Variants in DNAH14 observed in about 807,000 individuals in gnomAD.
The protein encoded by DNAH14 is axonemal beta dynein heavy chain 14.
In DNAH14, 478 loss-of-function variants were observed where a neutral mutation model predicts 520.9. That is an observed-to-expected ratio of 0.92 (90% CI 0.85 to 0.99). The LOEUF is 0.99. DNAH14 is among the 50% of genes least tolerant of loss of function. The probability of loss-of-function intolerance (pLI) is 0.00; values close to 1 mark genes in which losing one functional copy is unlikely to be tolerated. For synonymous variants in DNAH14, 1,581 were observed against 1,757.2 expected, an observed-to-expected ratio of 0.90 and a Z score of 2.51; for missense variants, 4,831 against 5,234.5, an observed-to-expected ratio of 0.92 and a Z score of 2.38.
chr1:225,368,181 A>ACATGGT, intron 77 of DNAH14, 149 bp downstream of exon 77: 1 of 709,378 alleles, frequency 1.4e-6, no homozygotes, highest in South Asian at 2.0e-5. Flanking sequence ...ACGTTTAGAA[A>ACATGGT]CATGGTCTTT....
chr1:225,020,761 G>C lies in DNAH14; in HGVS notation c.1108-2854G>C, dbSNP rs563503841. ...GCAAAGAGCTAGTACCAATCCTACT[G>C]AAATTATTTCCAAAAATCAAGGAGG... On this transcript the variant is annotated intron_variant, in intron 10 of 85. Coordinates refer to ENST00000682510, the MANE Select transcript of DNAH14 (RefSeq NM_001367479.1). Among the ~76,000 whole-genome samples, 11 of 152,132 alleles carry C rather than the reference G, an allele frequency of 7.2e-5. No homozygotes were observed. In the South Asian group the frequency reaches 2.3e-3, roughly 32 times the overall value.
chr1:225,152,582 C>T, intron 32 of DNAH14, 115 bp from the exon 33 acceptor site: 1 of 963,470 alleles, frequency 1.0e-6, no homozygotes, highest in Non-Finnish European at 1.5e-6. Flanking sequence ...AACTAATTTT[C>T]AGATAAAGGT....
rs2093244386 is a variant in DNAH14 at position 225,269,533 on chromosome 1, T to G, written c.7540-1202T>G. ...ACAGCAAAAGAAACTACCATCAGAG[T>G]GAACAGGCAACCTACAGAATGGGAG... On this transcript the variant is annotated intron_variant, in intron 49 of 85. Transcript: ENST00000682510. Among the ~76,000 whole-genome samples, 4 of 152,124 alleles carry G rather than the reference T, an allele frequency of 2.6e-5. No individual in the cohort carries two copies. In the South Asian group the frequency reaches 8.3e-4, roughly 32 times the overall value.
chr1:225,297,552 T>C (rs2094037483), intron 55 of DNAH14, among the ~76,000 whole-genome samples: 1 of 152,172 alleles, frequency 6.6e-6, no homozygotes, highest in African/African-American at 2.4e-5. Context: ...GGTTTTACAG[T>C]GTCAGTCATT....
At chr1:225,102,512 G>C (rs1465536515) in intron 23 of DNAH14, among the ~76,000 whole-genome samples, 6 of 152,170 alleles carry the variant, frequency 3.9e-5, no homozygotes, top group African/African-American at 1.4e-4. Flanking sequence ...CACCAACAGT[G>C]TAAAAGTGTT....
At chr1:225,278,682 T>A (rs2093553593) in intron 54 of DNAH14, among the ~76,000 whole-genome samples, 1 of 152,228 alleles carries the variant, frequency 6.6e-6, no homozygotes, top group Non-Finnish European at 1.5e-5. Context: ...ATTAACAGAT[T>A]ATTTTTCTAT....
At chr1:225,287,206 C>T (rs1205199924) in intron 54 of DNAH14, among the ~76,000 whole-genome samples, 2 of 151,894 alleles carry the variant, frequency 1.3e-5, no homozygotes, top group Non-Finnish European at 2.9e-5. Context: ...TTAATGTTTA[C>T]AAATTTAGAA....
chr1:225,078,697 C>T (rs2072592598), intron 17 of DNAH14, among the ~76,000 whole-genome samples: 1 of 151,780 alleles, frequency 6.6e-6, no homozygotes, highest in South Asian at 2.1e-4. Flanking sequence ...GGACTTCCCC[C>T]TTGCTGTTCT....
intron 17 of DNAH14, among the ~76,000 whole-genome samples, chr1:225,071,847 C>T (rs937316969): frequency 1.3e-5 from 2 of 152,156 alleles, no homozygotes; most frequent in Non-Finnish European, 2.9e-5. Context: ...CTCACTACCA[C>T]AAGAACAGCA....
intron 6 of DNAH14, among the ~76,000 whole-genome samples, chr1:224,968,166 T>C (rs2061304548): frequency 6.6e-6 from 1 of 152,112 alleles, no homozygotes. Flanking sequence ...TAATATGCAG[T>C]ATCAAGTGAG....
chr1:225,162,822 G>A (rs1054099806), intron 35 of DNAH14, among the ~76,000 whole-genome samples: 5 of 151,732 alleles, frequency 3.3e-5, no homozygotes, highest in Non-Finnish European at 5.9e-5. Context: ...TTTTCAGGTC[G>A]TTCTCTGTTG....
At chr1:225,209,601 G>A (rs937792501) in intron 41 of DNAH14, among the ~76,000 whole-genome samples, 1 of 152,064 alleles carries the variant, frequency 6.6e-6, no homozygotes, top group African/African-American at 2.4e-5. Flanking sequence ...AAATTTCAGA[G>A]GATAAAGACA....
chr1:225,131,801 G>A (rs2078451985), intron 27 of DNAH14, among the ~76,000 whole-genome samples: 1 of 152,166 alleles, frequency 6.6e-6, no homozygotes, highest in Non-Finnish European at 1.5e-5. Flanking sequence ...AAAATTGGCA[G>A]TTCTTTTGAG....
At chr1:225,037,849 A>AT (rs1490470241) in intron 11 of DNAH14, among the ~76,000 whole-genome samples, 1 of 151,862 alleles carries the variant, frequency 6.6e-6, no homozygotes, top group African/African-American at 2.4e-5. Context: ...TGCCTGGCTG[A>AT]TTCTGTATTT....
chr1:225,092,833 A>G (rs1005222875), intron 21 of DNAH14, among the ~76,000 whole-genome samples: 2 of 152,114 alleles, frequency 1.3e-5, no homozygotes, highest in African/African-American at 4.8e-5. Context: ...ATAAATGACA[A>G]AGGGGACATT....
intron 38 of DNAH14, 121 bp from the exon 39 acceptor site, chr1:225,204,060 CAG>C: frequency 2.0e-6 from 1 of 503,528 alleles, no homozygotes; most frequent in South Asian, 3.7e-5. Context: ...TTGGTCTTTT[CAG>C]TTACAGAACC....
At position 224,955,043 on chromosome 1, in the gene DNAH14, G is replaced by A; in HGVS notation, c.162G>A (p.Leu54=). The change falls in exon 3 of 86, where the codon TTG becomes TTA. Residue 54 remains leucine, a synonymous_variant. Transcript: ENST00000682510. ...CTGAAATAGCAGAAAAGGAAACATT[G>A]GAATATAAAACAGTTAGAACATTCT... is the stretch of plus-strand genomic sequence containing the variant. The part of the protein sequence containing the change: ...QPAEIAEKET[L]EYKTVRTFSE... The A allele has an allele frequency of 6.2e-6, 10 of 1,611,420 alleles. No homozygotes were observed. The highest frequency in any genetic ancestry group is 8.5e-6 in the Non-Finnish European group (10 of 1,178,326).
At chr1:224,955,254 G>C (rs2125519447) in intron 3 of DNAH14, among the ~76,000 whole-genome samples, 156 bp downstream of exon 3, 1 of 151,070 alleles carries the variant, frequency 6.6e-6, no homozygotes, top group Admixed American at 6.6e-5. Context: ...GCAGTTAGCA[G>C]TGTCTTCAAA....
chr1:224,968,874 G>T lies in DNAH14; in HGVS notation c.767G>T (p.Arg256Leu). 1 of 1,530,108 alleles carries T rather than the reference G, an allele frequency of 6.5e-7. No individual in the cohort carries two copies. The highest frequency in any genetic ancestry group is 2.1e-5 in the Admixed American group (1 of 47,354). 94.8% of individuals were successfully genotyped at this position (1,530,108 alleles called of 1,614,324 possible). A position where few individuals can be genotyped will look rare whatever the true frequency, so the allele number is the denominator to read the frequency against. ...LRQFKIFSDF[R>L]MNKAFVTWKL... is the part of the protein sequence containing the mutation. Reference sequence around the variant, plus strand: ...CAATTCAAGATATTTTCTGATTTCCGGTGAGGTGAAAAAAATGAAACCAAT... The same window carrying T: ...CAATTCAAGATATTTTCTGATTTCCTGTGAGGTGAAAAAAATGAAACCAAT... The change falls in exon 7 of 86, where the codon CGA becomes CTA. Residue 256 changes from arginine (R) to leucine (L), a missense_variant and splice_region_variant. Coordinates refer to ENST00000682510, the MANE Select transcript of DNAH14 (RefSeq NM_001367479.1).
Sources: allele counts gnomAD v4.1 joint callset (sites outside exome capture counted in the v4.1 genomes callset), GRCh38; gene constraint gnomAD v4.1.1; transcripts MANE v1.5; gene names NCBI Gene and HGNC (gene_info 2026-07-23, HGNC 2026-07-21).